The following SLC30A6 variants were observed in gnomAD, a reference collection of about 807,000 sequenced individuals.
SLC30A6 encodes zinc transporter 6.
SLC30A6 carries 55 observed loss-of-function variants against 63.0 expected under a neutral mutation model. That is an observed-to-expected ratio of 0.87 (90% confidence interval 0.70 to 1.09). The LOEUF (loss-of-function observed/expected upper bound fraction) is 1.09, where lower values mean the gene tolerates loss of function less well. SLC30A6 is among the 50% of genes least tolerant of loss of function. The pLI, the probability that SLC30A6 is intolerant of heterozygous loss-of-function variation, is 0.00. For missense variants in SLC30A6, 587 were observed against 549.2 expected (o/e 1.07, Z -0.69); for synonymous variants, 224 against 186.1 (o/e 1.20, Z -1.66).
intron 5 of SLC30A6, among the ~76,000 whole-genome samples, chr2:32,191,118 G>A (rs1248962805): frequency 6.6e-6 from 1 of 152,086 alleles, no homozygotes. Context: ...CTTCTTCAAG[G>A]TTATCTTTGC....
intron 5 of SLC30A6, among the ~76,000 whole-genome samples, chr2:32,184,895 T>C (rs1345860196): frequency 6.6e-6 from 1 of 152,248 alleles, no homozygotes; most frequent in East Asian, 1.9e-4. Context: ...CGTTAAGTTC[T>C]TTAATATTTT....
At chr2:32,203,932 C>G (rs988400560) in intron 10 of SLC30A6, 2 of 823,132 alleles carry the variant, frequency 2.4e-6, no homozygotes, top group Non-Finnish European at 4.2e-6. Flanking sequence ...AGGAAGTTGA[C>G]AAGATGGTAG....
chr2:32,202,169 G>A, intron 10 of SLC30A6: 1 of 775,752 alleles, frequency 1.3e-6, no homozygotes, highest in Non-Finnish European at 2.0e-6. Context: ...CTTCTGAAAG[G>A]TTGAGGGGTA....
intron 12 of SLC30A6, among the ~76,000 whole-genome samples, chr2:32,207,163 A>G (rs1258579861): frequency 6.6e-6 from 1 of 152,144 alleles, no homozygotes; most frequent in African/African-American, 2.4e-5. Context: ...GTAATGGCCT[A>G]ATGACCACCC....
intron 5 of SLC30A6, among the ~76,000 whole-genome samples, chr2:32,191,854 C>A (rs1043602468): frequency 6.6e-5 from 10 of 151,800 alleles, no homozygotes; most frequent in Admixed American, 6.6e-4. Context: ...CATAGTGAGA[C>A]CCCCATCTCT....
chr2:32,212,970 G>C (rs1224140349), intron 13 of SLC30A6, among the ~76,000 whole-genome samples: 2 of 143,916 alleles, frequency 1.4e-5, no homozygotes, highest in East Asian at 2.1e-4. Flanking sequence ...GAGTGGTACA[G>C]ATATAGCTCA....
intron 2 of SLC30A6, among the ~76,000 whole-genome samples, chr2:32,172,368 C>A (rs1355458901): frequency 1.3e-5 from 2 of 151,960 alleles, no homozygotes; most frequent in Non-Finnish European, 2.9e-5. Context: ...CCATCATTAT[C>A]ATTTCCCTCC....
At chr2:32,192,609 A>C (rs931941077) in intron 6 of SLC30A6, among the ~76,000 whole-genome samples, 193 bp downstream of exon 6, 30 of 152,076 alleles carry the variant, frequency 2.0e-4, no homozygotes, top group African/African-American at 7.2e-4. Flanking sequence ...CCTTAATGCT[A>C]CTAAATTGAA....
At chr2:32,202,105 G>T in intron 10 of SLC30A6, 2 of 749,526 alleles carry the variant, frequency 2.7e-6, no homozygotes, top group South Asian at 3.3e-5. Context: ...CTTAACACAT[G>T]AACAGAAAGA....
chr2:32,174,333 A>T (rs548469916), intron 3 of SLC30A6, among the ~76,000 whole-genome samples, 186 bp downstream of exon 3: 73 of 151,432 alleles, frequency 4.8e-4, no homozygotes, highest in African/African-American at 1.7e-3. Flanking sequence ...TAGGATTGTA[A>T]TTTTTTTTTA....
chr2:32,181,621 C>A (rs1682321861), intron 4 of SLC30A6, among the ~76,000 whole-genome samples: 1 of 152,154 alleles, frequency 6.6e-6, no homozygotes, highest in African/African-American at 2.4e-5. Flanking sequence ...AATCCCAGCA[C>A]TTTGGGAGTC....
At chr2:32,207,674 C>T (rs1301611774) in intron 12 of SLC30A6, among the ~76,000 whole-genome samples, 2 of 144,772 alleles carry the variant, frequency 1.4e-5, no homozygotes, top group Admixed American at 1.4e-4. Flanking sequence ...GCGCCTGGCC[C>T]GCCCAACTAA....
intron 2 of SLC30A6, among the ~76,000 whole-genome samples, chr2:32,173,263 A>G (rs1681396227): frequency 6.6e-6 from 1 of 152,182 alleles, no homozygotes; most frequent in Non-Finnish European, 1.5e-5. Flanking sequence ...TGTGCCCACT[A>G]ATTCACATAA....
At chr2:32,218,491 C>T (rs551421120) in intron 13 of SLC30A6, among the ~76,000 whole-genome samples, 36 of 152,130 alleles carry the variant, frequency 2.4e-4, no homozygotes, top group African/African-American at 8.7e-4. Flanking sequence ...TCTCTGATCC[C>T]ACTATTTTTG....
At chr2:32,213,392 G>A (rs943495917) in intron 13 of SLC30A6, among the ~76,000 whole-genome samples, 7 of 149,254 alleles carry the variant, frequency 4.7e-5, no homozygotes. Context: ...TGCAGACCCA[G>A]TGTATTTGCC....
intron 4 of SLC30A6, among the ~76,000 whole-genome samples, chr2:32,183,674 C>T (rs1028920220): frequency 6.1e-5 from 8 of 131,502 alleles, no homozygotes; most frequent in East Asian, 2.1e-4. Context: ...GGCAACAGAG[C>T]GAGACTCTGT....
Position 32,192,370 on chromosome 2 carries a change from T to A in SLC30A6, c.319T>A (p.Ser107Thr). Residue 107 changes from serine to threonine, a missense_variant, in exon 6 of 14, where the codon TCC becomes ACC. Transcript: ENST00000282587. ...ERLEVLAVFASTVLAQLGALF... is the reference protein window; with the variant it reads ...ERLEVLAVFATTVLAQLGALF... ...ATTAGAAGTCCTGGCTGTATTTGCC[T>A]CCACAGTCTTGGCACAGTTGGGAGC... 1 of 1,614,078 alleles carries A rather than the reference T, an allele frequency of 6.2e-7. No individual in the cohort carries two copies. Among genetic ancestry groups the A allele is most frequent in the Non-Finnish European group, 8.5e-7 (1 of 1,179,952 alleles).
intron 4 of SLC30A6, among the ~76,000 whole-genome samples, chr2:32,175,773 T>C (rs1363403162): frequency 1.3e-5 from 2 of 152,040 alleles, no homozygotes; most frequent in Non-Finnish European, 2.9e-5. Context: ...GTCAGGAGTT[T>C]ACGACCAGCC....
At chr2:32,184,195 A>T in intron 4 of SLC30A6, 78 bp from the exon 5 acceptor site, 1 of 661,432 alleles carries the variant, frequency 1.5e-6, no homozygotes, top group Non-Finnish European at 2.4e-6. Flanking sequence ...TCAACCACTT[A>T]GGAATTCTGA....
Sources: gnomAD v4.1 joint callset for allele counts (sites outside exome capture counted in the v4.1 genomes callset) on GRCh38, gnomAD v4.1.1 for gene constraint, MANE v1.5 for transcripts, NCBI Gene and HGNC (gene_info 2026-07-23, HGNC 2026-07-21) for gene names.